The following ENOX1 variants were observed in gnomAD, a reference collection of about 807,000 sequenced individuals.
ENOX1 encodes the protein ecto-NOX disulfide-thiol exchanger 1.
ENOX1 carries 42 observed loss-of-function variants against 82.5 expected under a neutral mutation model. The ratio of observed to expected loss-of-function variants is 0.51; its 90% confidence interval spans 0.40 to 0.66. The LOEUF is 0.66. Among genes scored for constraint, ENOX1 ranks in the 30% least tolerant of loss-of-function variants. The probability of loss-of-function intolerance (pLI) is 0.00; values close to 1 mark genes in which losing one functional copy is unlikely to be tolerated. For missense variants in ENOX1, 608 were observed against 811.6 expected (o/e 0.75, Z 3.05); for synonymous variants, 271 against 282.2 (o/e 0.96, Z 0.40).
intron 2 of ENOX1, among the ~76,000 whole-genome samples, chr13:43,531,673 C>T (rs1300842147): frequency 6.9e-6 from 1 of 145,014 alleles, no homozygotes. Flanking sequence ...TGGAACCAAC[C>T]CAAATGTCCA....
chr13:43,531,763 T>C (rs2078232348), intron 2 of ENOX1, among the ~76,000 whole-genome samples: 2 of 150,040 alleles, frequency 1.3e-5, no homozygotes, highest in African/African-American at 4.9e-5. Context: ...GATGAGTTCA[T>C]GTCCTTTGTA....
intron 1 of ENOX1, among the ~76,000 whole-genome samples, chr13:43,769,031 G>A (rs1432802062): frequency 6.6e-6 from 1 of 152,182 alleles, no homozygotes; most frequent in African/African-American, 2.4e-5. Context: ...GAGGAGAGAA[G>A]AAGCAACATG....
chr13:43,298,159 G>A (rs541770210), intron 12 of ENOX1, among the ~76,000 whole-genome samples, 187 bp downstream of exon 12: 4 of 152,118 alleles, frequency 2.6e-5, no homozygotes, highest in Admixed American at 2.6e-4. Context: ...ATATTTTATT[G>A]GCTTGGCTTT....
chr13:43,300,316 T>C (rs748161593), intron 11 of ENOX1, among the ~76,000 whole-genome samples: 1 of 152,144 alleles, frequency 6.6e-6, no homozygotes, highest in Non-Finnish European at 1.5e-5. Flanking sequence ...GAAGAAAGGA[T>C]AGTGTGATGT....
intron 2 of ENOX1, among the ~76,000 whole-genome samples, chr13:43,537,844 C>T (rs1173590525): frequency 2.0e-5 from 3 of 152,264 alleles, no homozygotes; most frequent in Middle Eastern, 3.4e-3. Flanking sequence ...ATCTGATTTC[C>T]CTGGAGTCTC....
intron 3 of ENOX1, among the ~76,000 whole-genome samples, chr13:43,424,789 C>T (rs771959588): frequency 2.0e-5 from 3 of 152,142 alleles, no homozygotes; most frequent in African/African-American, 7.2e-5. Flanking sequence ...CTGTGATGGT[C>T]CTTTTTGCTT....
At chr13:43,397,172 T>A (rs769904494) in intron 5 of ENOX1, among the ~76,000 whole-genome samples, 64 of 152,282 alleles carry the variant, frequency 4.2e-4, no homozygotes, top group Non-Finnish European at 4.4e-4. Flanking sequence ...CAGACAAGGA[T>A]GAAATCATCG....
At chr13:43,565,580 C>G (rs1484533870) in intron 2 of ENOX1, among the ~76,000 whole-genome samples, 1 of 152,092 alleles carries the variant, frequency 6.6e-6, no homozygotes, top group African/African-American at 2.4e-5. Flanking sequence ...GCTCCAGTAC[C>G]CACAAAGACG....
intron 2 of ENOX1, among the ~76,000 whole-genome samples, chr13:43,602,404 G>A (rs2081765201): frequency 1.3e-5 from 2 of 151,992 alleles, no homozygotes; most frequent in South Asian, 4.1e-4. Context: ...GCAAATATAT[G>A]AAATAATTTT....
At chr13:43,674,750 A>G (rs1258443163) in intron 1 of ENOX1, among the ~76,000 whole-genome samples, 1 of 152,186 alleles carries the variant, frequency 6.6e-6, no homozygotes, top group African/African-American at 2.4e-5. Context: ...GATGACAATG[A>G]TGTGTCATCA....
chr13:43,479,538 T>C (rs918447619), intron 3 of ENOX1, among the ~76,000 whole-genome samples: 1 of 152,196 alleles, frequency 6.6e-6, no homozygotes, highest in Non-Finnish European at 1.5e-5. Flanking sequence ...TATCTTTCCC[T>C]CATCCATGTT....
intron 2 of ENOX1, among the ~76,000 whole-genome samples, chr13:43,506,188 T>C (rs1200725468): frequency 6.6e-6 from 1 of 152,018 alleles, no homozygotes; most frequent in Non-Finnish European, 1.5e-5. Flanking sequence ...GGTAGCATGA[T>C]GCCTCCAGCT....
intron 2 of ENOX1, among the ~76,000 whole-genome samples, chr13:43,663,282 A>C (rs2084820559): frequency 6.6e-6 from 1 of 152,166 alleles, no homozygotes; most frequent in South Asian, 2.1e-4. Context: ...AAGGACCTTC[A>C]AGATTTGATT....
At chr13:43,657,240 C>A (rs2084480371) in intron 2 of ENOX1, among the ~76,000 whole-genome samples, 1 of 152,170 alleles carries the variant, frequency 6.6e-6, no homozygotes, top group Admixed American at 6.5e-5. Context: ...CCAATTTATT[C>A]ATAATATAGT....
At chr13:43,777,300 C>A (rs1176400965) in intron 1 of ENOX1, among the ~76,000 whole-genome samples, 2 of 152,018 alleles carry the variant, frequency 1.3e-5, no homozygotes, top group Non-Finnish European at 2.9e-5. Context: ...GAAAAAAATT[C>A]TTAAGAAAAA....
At chr13:43,276,892 C>G (rs1247949473) in intron 12 of ENOX1, among the ~76,000 whole-genome samples, 3 of 152,154 alleles carry the variant, frequency 2.0e-5, no homozygotes, top group African/African-American at 7.2e-5. Context: ...TAAGACTACT[C>G]AAGATCTATT....
chr13:43,657,411 T>C (rs1474277318), intron 2 of ENOX1, among the ~76,000 whole-genome samples: 1 of 152,176 alleles, frequency 6.6e-6, no homozygotes, highest in Non-Finnish European at 1.5e-5. Context: ...TCTCTCAGCC[T>C]CAGGGAATCA....
chr13:43,355,395 G>A (rs1243881030), intron 8 of ENOX1, among the ~76,000 whole-genome samples: 1 of 152,108 alleles, frequency 6.6e-6, no homozygotes, highest in Non-Finnish European at 1.5e-5. Flanking sequence ...CTGAAGACAG[G>A]GATCCCATTC....
intron 5 of ENOX1, among the ~76,000 whole-genome samples, chr13:43,377,836 C>A (rs1187648920): frequency 6.6e-6 from 1 of 152,160 alleles, no homozygotes. Context: ...AATGATAAAA[C>A]CCTAAATTGG....
Sources: gnomAD v4.1 joint callset for allele counts (sites outside exome capture counted in the v4.1 genomes callset) on GRCh38, gnomAD v4.1.1 for gene constraint, MANE v1.5 for transcripts, NCBI Gene and HGNC (gene_info 2026-07-23, HGNC 2026-07-21) for gene names.